The following BRMS1L variants were observed in gnomAD, a reference collection of about 807,000 sequenced individuals.
BRMS1L encodes BRMS1 like transcriptional repressor.
BRMS1L carries 23 observed loss-of-function variants against 50.3 expected under a neutral mutation model. The observed-to-expected ratio is 0.46, with a 90% CI of 0.33 to 0.65. The LOEUF is 0.65. Among genes scored for constraint, BRMS1L ranks in the 30% least tolerant of loss-of-function variants. BRMS1L has a pLI of 0.02. For missense variants in BRMS1L, 286 were observed against 386.1 expected (o/e 0.74, Z 2.17); for synonymous variants, 114 against 126.9 (o/e 0.90, Z 0.69).
chr14:35,864,073 AG>A (rs2142063042), intron 6 of BRMS1L, 120 bp downstream of exon 6: 1 of 773,428 alleles, frequency 1.3e-6, no homozygotes, highest in African/African-American at 1.8e-5. Flanking sequence ...AATAAGCAAA[AG>A]ATGATTTATT....
At position 35,834,837 on chromosome 14, in the gene BRMS1L, G is replaced by C. The variant is rs1417911811; in HGVS notation, c.362-7G>C. The stretch of plus-strand genomic sequence containing the variant: ...AACATAATCAGAGTAATTGTGTTTG[G>C]TTGCAGGAATCTATAGAGAGCTCTG... On this transcript the variant is annotated splice_polypyrimidine_tract_variant and splice_region_variant and intron_variant, in intron 3 of 9. Coordinates refer to ENST00000216807, the MANE Select transcript of BRMS1L (RefSeq NM_032352.4). 1 of 1,535,460 alleles carries C rather than the reference G, an allele frequency of 6.5e-7. No homozygotes were observed. Among genetic ancestry groups the C allele is most frequent in the Admixed American group, 2.0e-5 (1 of 50,294 alleles).
At chr14:35,836,976 C>G (rs1361384214) in intron 4 of BRMS1L, among the ~76,000 whole-genome samples, 1 of 152,078 alleles carries the variant, frequency 6.6e-6, no homozygotes, top group Non-Finnish European at 1.5e-5. Flanking sequence ...AGTTGTATTC[C>G]TAGGTATTTT....
At chr14:35,853,905 T>G (rs535798445) in intron 4 of BRMS1L, among the ~76,000 whole-genome samples, 2 of 152,304 alleles carry the variant, frequency 1.3e-5, no homozygotes, top group African/African-American at 4.8e-5. Flanking sequence ...TTTCTATTAT[T>G]TTAATAATTG....
chr14:35,847,035 C>T (rs1420084530), intron 4 of BRMS1L, among the ~76,000 whole-genome samples: 5 of 152,030 alleles, frequency 3.3e-5, no homozygotes, highest in African/African-American at 4.8e-5. Context: ...AGTGCAGTGG[C>T]GTGATCATAG....
intron 7 of BRMS1L, 95 bp from the exon 8 acceptor site, chr14:35,865,627 A>C: frequency 1.1e-6 from 1 of 919,340 alleles, no homozygotes; most frequent in South Asian, 1.6e-5. Flanking sequence ...TATGGAGTTA[A>C]TCGGTAATAT....
intron 3 of BRMS1L, among the ~76,000 whole-genome samples, chr14:35,833,848 T>G (rs1191016657): frequency 6.6e-6 from 1 of 152,194 alleles, no homozygotes; most frequent in Non-Finnish European, 1.5e-5. Flanking sequence ...TGATAATAAG[T>G]TCTTTTTACT....
chr14:35,850,209 CTTTTT>C (rs72493491), intron 4 of BRMS1L, among the ~76,000 whole-genome samples: 1 of 128,938 alleles, frequency 7.8e-6, no homozygotes. Context: ...GTTGCCTTTT[CTTTTT>C]TTTTTTTTTT....
At chr14:35,834,298 T>C (rs2077963996) in intron 3 of BRMS1L, among the ~76,000 whole-genome samples, 1 of 152,196 alleles carries the variant, frequency 6.6e-6, no homozygotes, top group African/African-American at 2.4e-5. Flanking sequence ...TTAAACTATC[T>C]TGGGTATCCA....
intron 1 of BRMS1L, among the ~76,000 whole-genome samples, chr14:35,829,426 T>A (rs2077889932): frequency 6.6e-6 from 1 of 152,382 alleles, no homozygotes; most frequent in South Asian, 2.1e-4. Context: ...ACAACTTAAT[T>A]TTTGAAGAAT....
chr14:35,870,320 A>G (rs200162021), intron 9 of BRMS1L, 40 bp from the exon 10 acceptor site: 122 of 1,240,506 alleles, frequency 9.8e-5, no homozygotes, highest in Admixed American at 1.4e-4. Context: ...TTGAGGAGAC[A>G]TTGTAATTCA....
rs770271932 is a variant in BRMS1L at position 35,826,577 on chromosome 14, G to A, written c.61G>A (p.Asp21Asn). Reference sequence around the variant, plus strand: ...CAACCATCACGATGAGATGGAGGTGGACTACGCCGAAAATGAGGGGAGCAG... The same window carrying A: ...CAACCATCACGATGAGATGGAGGTGAACTACGCCGAAAATGAGGGGAGCAG... ...ETNHHDEMEV[D>N]YAENEGSSSE... Residue 21 changes from aspartate to asparagine, a missense_variant, in exon 1 of 10, where the codon GAC becomes AAC. Asp to Asn is a conservative substitution (Grantham distance 23). Transcript: ENST00000216807. 6.2e-7 allele frequency: 1 copy of A among 1,609,736 alleles called. No individual in the cohort carries two copies. Among genetic ancestry groups the A allele is most frequent in the Non-Finnish European group, 8.5e-7 (1 of 1,178,552 alleles).
chr14:35,864,683 C>T (rs145607520), intron 6 of BRMS1L, among the ~76,000 whole-genome samples: 1 of 152,048 alleles, frequency 6.6e-6, no homozygotes, highest in African/African-American at 2.4e-5. Context: ...CCTTAAAAAC[C>T]AGTGATTGTG....
intron 4 of BRMS1L, among the ~76,000 whole-genome samples, chr14:35,846,353 G>A (rs1174287478): frequency 1.3e-5 from 2 of 150,340 alleles, no homozygotes; most frequent in Admixed American, 1.3e-4. Context: ...CCATGATCGT[G>A]CCACCACACC....
chr14:35,855,895 A>G (rs1387511264), intron 4 of BRMS1L, among the ~76,000 whole-genome samples: 1 of 152,228 alleles, frequency 6.6e-6, no homozygotes, highest in Non-Finnish European at 1.5e-5. Flanking sequence ...AGGCTAATAG[A>G]TGTTGAGTAA....
At chr14:35,831,175 A>T (rs761710206) in intron 1 of BRMS1L, among the ~76,000 whole-genome samples, 11 of 152,234 alleles carry the variant, frequency 7.2e-5, no homozygotes, top group Middle Eastern at 3.4e-3. Context: ...CCTGGGCTCA[A>T]TCTGTCCTCC....
rs757187388 is a variant in BRMS1L, at chr14:35,834,932, A to G, written c.441+9A>G. 3 of 1,577,754 alleles carry G rather than the reference A, an allele frequency of 1.9e-6. No homozygotes were observed. The highest frequency in any genetic ancestry group is 2.4e-5 in the South Asian group (2 of 82,214). ...CTCGCCAGCATTGTGAGGTACTGTC[A>G]TTTTGCATAACTTTTAAGCTAATTT... is the stretch of plus-strand genomic sequence containing the variant. On this transcript the variant is annotated intron_variant, in intron 4 of 9. Transcript: ENST00000216807.
chr14:35,866,540 C>CA (rs999233016), intron 8 of BRMS1L, among the ~76,000 whole-genome samples: 5 of 152,002 alleles, frequency 3.3e-5, no homozygotes, highest in African/African-American at 9.6e-5. Flanking sequence ...CCCATCTCTA[C>CA]AAAAAAATAC....
Position 35,853,018 on chromosome 14 carries a change from A to C in BRMS1L, c.442-9572A>C, listed in dbSNP as rs79281555. ...TCTATCTATCTATCTATCTATCTATATATAGAGAGAGAGACTTATCATACT... is the reference window on the plus strand; with the variant it reads ...TCTATCTATCTATCTATCTATCTATCTATAGAGAGAGAGACTTATCATACT... On this transcript the variant is annotated intron_variant, in intron 4 of 9. Transcript: ENST00000216807. Among the ~76,000 whole-genome samples the C allele has an allele frequency of 6.1e-3, 899 of 146,756 alleles. 6 individuals carry two copies. Among genetic ancestry groups the C allele is most frequent in the African/African-American group, 0.02 (766 of 37,418 alleles).
At chr14:35,849,395 C>T (rs997005143) in intron 4 of BRMS1L, among the ~76,000 whole-genome samples, 2 of 152,154 alleles carry the variant, frequency 1.3e-5, no homozygotes, top group Non-Finnish European at 2.9e-5. Flanking sequence ...TCAAGCAGCT[C>T]TCTCACCTCA....
Sources: allele counts gnomAD v4.1 joint callset (sites outside exome capture counted in the v4.1 genomes callset), GRCh38; gene constraint gnomAD v4.1.1; transcripts MANE v1.5; gene names NCBI Gene and HGNC (gene_info 2026-07-23, HGNC 2026-07-21).